Variants in NCAM1 observed in about 807,000 individuals in gnomAD.
The protein encoded by NCAM1 is antigen recognized by monoclonal antibody 5.1H11.
NCAM1 carries 14 observed loss-of-function variants against 109.8 expected under a neutral mutation model. The observed-to-expected ratio is 0.13, with a 90% CI of 0.08 to 0.20. The LOEUF is 0.20. Ranked by LOEUF, NCAM1 falls within the 10% of genes least tolerant of loss-of-function variation. NCAM1 has a pLI of 1.00. For synonymous variants in NCAM1, 418 were observed against 442.9 expected (o/e 0.94, Z 0.70); for missense variants, 774 against 1,109.9 (o/e 0.70, Z 4.30).
intron 1 of NCAM1, among the ~76,000 whole-genome samples, chr11:112,990,376 A>G (rs1473466595): frequency 6.6e-6 from 1 of 152,164 alleles, no homozygotes; most frequent in Non-Finnish European, 1.5e-5. Flanking sequence ...CAGCAGTGCT[A>G]CCTGGAAGAC....
intron 1 of NCAM1, among the ~76,000 whole-genome samples, chr11:113,178,965 G>A (rs1269455474): frequency 2.6e-5 from 4 of 152,210 alleles, no homozygotes; most frequent in African/African-American, 7.2e-5. Context: ...GGACTTGAAT[G>A]TCAGGCAGGA....
chr11:113,234,355 G>A (rs1555117862), intron 13 of NCAM1, among the ~76,000 whole-genome samples: 1 of 151,520 alleles, frequency 6.6e-6, no homozygotes, highest in Non-Finnish European at 1.5e-5. Flanking sequence ...AAAATTCAGT[G>A]GCATTAAGTT....
chr11:113,208,605 C>G (rs1384497953), intron 7 of NCAM1, among the ~76,000 whole-genome samples: 3 of 152,070 alleles, frequency 2.0e-5, no homozygotes, highest in African/African-American at 4.8e-5. Flanking sequence ...GCGGCGCCTT[C>G]CTTCACTGCC....
intron 1 of NCAM1, among the ~76,000 whole-genome samples, chr11:112,967,711 G>A (rs1555065856): frequency 6.6e-6 from 1 of 152,018 alleles, no homozygotes; most frequent in African/African-American, 2.4e-5. Context: ...TTTTAAAAAG[G>A]GTATTATGAT....
At chr11:113,097,317 C>T (rs942336129) in intron 1 of NCAM1, among the ~76,000 whole-genome samples, 15 of 152,332 alleles carry the variant, frequency 9.8e-5, no homozygotes, top group African/African-American at 3.4e-4. Context: ...GTATGCCAGA[C>T]ACCTGCACAA....
intron 1 of NCAM1, among the ~76,000 whole-genome samples, chr11:113,095,460 G>T (rs1555090179): frequency 6.6e-6 from 1 of 152,176 alleles, no homozygotes; most frequent in East Asian, 1.9e-4. Flanking sequence ...TCCAGCAATT[G>T]CTTGGATGTG....
In NCAM1 at chr11:113,221,282, CTT is replaced by C. The variant is rs1944685997; in HGVS notation, c.1060-13_1060-12del. The C allele has an allele frequency of 2.6e-6, 4 of 1,557,940 alleles. No individual in the cohort carries two copies. The highest frequency in any genetic ancestry group is 2.7e-5 in the African/African-American group (2 of 73,572). On this transcript the variant is annotated splice_polypyrimidine_tract_variant and intron_variant, in intron 8 of 19. Transcript: ENST00000316851. ...ACTGCTTTCTTGTTGTGTTTTATAT[CTT>C]GTTTTCTCCAGGCTTCGTGGACTCG...
chr11:113,011,962 C>CCTTT (rs1952069826), intron 1 of NCAM1, among the ~76,000 whole-genome samples: 1 of 102,206 alleles, frequency 9.8e-6, no homozygotes, highest in Admixed American at 1.1e-4. Flanking sequence ...CTCCTTCTCT[C>CCTTT]CTTTCCTTCC....
intron 7 of NCAM1, 34 bp downstream of exon 7, chr11:113,208,036 C>A: frequency 6.3e-7 from 1 of 1,576,026 alleles, no homozygotes; most frequent in Non-Finnish European, 8.6e-7. Context: ...CACTGCTCTG[C>A]CACAATTCCC....
chr11:113,264,992 AC>A (rs1186370769), intron 17 of NCAM1: 380 of 985,072 alleles, frequency 3.9e-4, no homozygotes, highest in Non-Finnish European at 4.4e-4. Flanking sequence ...GCTCAGCCAC[AC>A]CCCACTCCCC....
chr11:113,066,022 A>G (rs797033036), intron 1 of NCAM1, among the ~76,000 whole-genome samples: 9 of 152,316 alleles, frequency 5.9e-5, no homozygotes, highest in African/African-American at 2.2e-4. Flanking sequence ...TTTTACTGTG[A>G]TTCATGAGAC....
At chr11:113,086,868 A>C (rs1555088397) in intron 1 of NCAM1, among the ~76,000 whole-genome samples, 1 of 152,236 alleles carries the variant, frequency 6.6e-6, no homozygotes, top group African/African-American at 2.4e-5. Context: ...TAATCTCAAT[A>C]CAAGATAAGA....
At chr11:113,127,549 A>G (rs947131235) in intron 1 of NCAM1, among the ~76,000 whole-genome samples, 16 of 152,234 alleles carry the variant, frequency 1.1e-4, no homozygotes, top group Admixed American at 3.3e-4. Flanking sequence ...ACTATCTTTT[A>G]GGGATAGTAT....
chr11:113,041,889 C>T (rs1435152151), intron 1 of NCAM1, among the ~76,000 whole-genome samples: 3 of 152,130 alleles, frequency 2.0e-5, no homozygotes, highest in Admixed American at 6.5e-5. Flanking sequence ...TTACACATTA[C>T]GAGGAAGAAA....
intron 1 of NCAM1, among the ~76,000 whole-genome samples, chr11:113,181,751 C>T (rs558205780): frequency 8.9e-4 from 135 of 152,206 alleles, no homozygotes; most frequent in Non-Finnish European, 1.4e-3. Context: ...TCCCCTCTTC[C>T]GAAAGAGGAC....
chr11:113,114,617 C>T (rs1438550969), intron 1 of NCAM1, among the ~76,000 whole-genome samples: 1 of 152,182 alleles, frequency 6.6e-6, no homozygotes, highest in East Asian at 1.9e-4. Context: ...CAAGTGTCCT[C>T]TGCAGTGGGG....
rs1348169354 is a variant in NCAM1, at chr11:113,055,998, T to G, written c.52+94334T>G. ...AATGTGATATATATATATATATATA[T>G]ATATATATATATATATATATATATA... On this transcript the variant is annotated intron_variant, in intron 1 of 19. Transcript: ENST00000316851. Among the ~76,000 whole-genome samples the G allele has an allele frequency of 8.7e-5, 10 of 114,322 alleles. No homozygotes were observed. The South Asian group carries it at 2.7e-3, about 31-fold the overall frequency. 75.0% of individuals were successfully genotyped at this position (114,322 alleles called of 152,430 possible).
At chr11:113,015,702 C>T (rs1447168436) in intron 1 of NCAM1, among the ~76,000 whole-genome samples, 6 of 151,718 alleles carry the variant, frequency 4.0e-5, no homozygotes, top group African/African-American at 1.2e-4. Context: ...TGTCACTGCA[C>T]CCAGCCTGGG....
chr11:113,142,819 T>G (rs1362463787), intron 1 of NCAM1, among the ~76,000 whole-genome samples: 3 of 152,224 alleles, frequency 2.0e-5, no homozygotes, highest in Non-Finnish European at 2.9e-5. Flanking sequence ...ACGTATCATT[T>G]CAAATGATAC....
Sources: gnomAD v4.1 joint callset for allele counts (sites outside exome capture counted in the v4.1 genomes callset) on GRCh38, gnomAD v4.1.1 for gene constraint, MANE v1.5 for transcripts, NCBI Gene and HGNC (gene_info 2026-07-23, HGNC 2026-07-21) for gene names.